The following LMNTD1 variants were observed in gnomAD, a reference collection of about 807,000 sequenced individuals.
The protein encoded by LMNTD1 is lamin tail domain containing 1, also known as lamin tail domain-containing protein 1.
In LMNTD1, 35 loss-of-function variants were observed where a neutral mutation model predicts 50.9. The ratio of observed to expected loss-of-function variants is 0.69; its 90% CI spans 0.53 to 0.91. LMNTD1 has a LOEUF of 0.91. Among genes scored for constraint, LMNTD1 ranks in the 40% least tolerant of loss-of-function variants. The probability of loss-of-function intolerance (pLI) is 0.00; values close to 1 mark genes in which losing one functional copy is unlikely to be tolerated. For missense variants in LMNTD1, 470 were observed against 475.5 expected (o/e 0.99, Z 0.11); for synonymous variants, 153 against 161.9 (o/e 0.94, Z 0.42).
At chr12:25,630,299 G>A (rs772505678) in intron 1 of LMNTD1, among the ~76,000 whole-genome samples, 2 of 152,116 alleles carry the variant, frequency 1.3e-5, no homozygotes, top group Non-Finnish European at 2.9e-5. Flanking sequence ...CATTTTTGAG[G>A]ATCATGGTGG....
chr12:25,539,408 G>A lies in LMNTD1; in HGVS notation c.491+6966C>T, dbSNP rs558269866. On this transcript the variant is annotated intron_variant, in intron 4 of 9. Coordinates refer to ENST00000458174, the MANE Select transcript of LMNTD1 (RefSeq NM_001145728.2). ...CACAGTGCAATCAAACTAGAACTCA[G>A]GATTAAGAATCTCACTCAAAACCGC... Among the ~76,000 whole-genome samples the A allele has an allele frequency of 7.1e-3, 1,079 of 151,866 alleles. 16 individuals carry two copies. Among genetic ancestry groups the A allele is most frequent in the African/African-American group, 0.025 (1,016 of 41,400 alleles).
At chr12:25,537,207 A>T in intron 4 of LMNTD1, among the ~76,000 whole-genome samples, 1 of 152,152 alleles carries the variant, frequency 6.6e-6, no homozygotes. Context: ...TGGAAGCTCG[A>T]ACTGGGTGGA....
At chr12:25,528,500 C>G (rs370086977) in intron 4 of LMNTD1, among the ~76,000 whole-genome samples, 179 of 152,328 alleles carry the variant, frequency 1.2e-3, no homozygotes, top group African/African-American at 4.3e-3. Flanking sequence ...CTCCAACCAC[C>G]TGGGCCCTTG....
chr12:25,547,978 A>G (rs1350740247), intron 3 of LMNTD1, among the ~76,000 whole-genome samples: 1 of 151,804 alleles, frequency 6.6e-6, no homozygotes, highest in Admixed American at 6.6e-5. Context: ...TTTTTGCCCC[A>G]TTACAAGGAG....
chr12:25,519,075 G>A (rs1018215064), intron 7 of LMNTD1, 108 bp from the exon 8 acceptor site: 24 of 1,050,066 alleles, frequency 2.3e-5, no homozygotes, highest in Non-Finnish European at 3.2e-5. Context: ...AAGAGAATAT[G>A]ACTTTTTAAA....
At chr12:25,478,816 C>T (rs1445585042) in intron 9 of LMNTD1, among the ~76,000 whole-genome samples, 2 of 152,016 alleles carry the variant, frequency 1.3e-5, no homozygotes, top group Non-Finnish European at 2.9e-5. Context: ...TTGATGACTA[C>T]CTTCTTCTAC....
In LMNTD1 at chr12:25,630,933, G is replaced by C. The variant is rs766836335; in HGVS notation, c.58+17561C>G. Among the ~76,000 whole-genome samples the C allele has an allele frequency of 2.0e-5, 3 of 152,264 alleles. No individual in the cohort carries two copies. In the South Asian group the frequency reaches 6.2e-4, roughly 32 times the overall value. Reference sequence around the variant, plus strand: ...AGGCGGGTAGCCTGTCTCGCCCACTGGCCAGAAACAGACTCAGGGCTCTTA... The same window carrying C: ...AGGCGGGTAGCCTGTCTCGCCCACTCGCCAGAAACAGACTCAGGGCTCTTA... On this transcript the variant is annotated intron_variant, in intron 1 of 7. Transcript: ENST00000445693.
intron 9 of LMNTD1, among the ~76,000 whole-genome samples, chr12:25,481,954 A>G (rs1938462446): frequency 1.3e-5 from 2 of 151,314 alleles, no homozygotes; most frequent in Non-Finnish European, 2.9e-5. Context: ...GTATTTAAAG[A>G]CCCTCAGTTG....
At chr12:25,569,631 A>C (rs1309873335) in intron 1 of LMNTD1, among the ~76,000 whole-genome samples, 1 of 152,234 alleles carries the variant, frequency 6.6e-6, no homozygotes, top group African/African-American at 2.4e-5. Flanking sequence ...TCACAAAGAC[A>C]GATCACTCAT....
At chr12:25,643,464 A>G (rs1946994131) in intron 1 of LMNTD1, among the ~76,000 whole-genome samples, 1 of 152,240 alleles carries the variant, frequency 6.6e-6, no homozygotes, top group African/African-American at 2.4e-5. Flanking sequence ...TTTATAGACA[A>G]TAGAATATAG....
intron 6 of LMNTD1, among the ~76,000 whole-genome samples, chr12:25,523,115 C>A (rs1378958775): frequency 6.6e-6 from 1 of 152,046 alleles, no homozygotes; most frequent in African/African-American, 2.4e-5. Flanking sequence ...CTCACTGCAA[C>A]CTCCGCCTCC....
chr12:25,478,978 C>A (rs1938358345), intron 9 of LMNTD1, among the ~76,000 whole-genome samples: 1 of 151,942 alleles, frequency 6.6e-6, no homozygotes, highest in South Asian at 2.1e-4. Context: ...TTCCCATTGA[C>A]CTTAATCACA....
chr12:25,515,760 G>A (rs2619481), intron 8 of LMNTD1, among the ~76,000 whole-genome samples: 1 of 151,560 alleles, frequency 6.6e-6, no homozygotes, highest in African/African-American at 2.4e-5. Context: ...TAGTCTCTAG[G>A]CTCCTCTGTA....
chr12:25,574,510 G>A (rs145211260), intron 1 of LMNTD1, among the ~76,000 whole-genome samples: 2 of 151,440 alleles, frequency 1.3e-5, no homozygotes, highest in East Asian at 3.9e-4. Context: ...TAAATAATGT[G>A]AGTAAGGCAC....
At chr12:25,497,071 T>C (rs1479708802) in intron 9 of LMNTD1, among the ~76,000 whole-genome samples, 2 of 152,202 alleles carry the variant, frequency 1.3e-5, no homozygotes, top group African/African-American at 4.8e-5. Context: ...CATTTCATTG[T>C]ATTATACACC....
intron 1 of LMNTD1, among the ~76,000 whole-genome samples, chr12:25,569,825 C>T (rs969235632): frequency 7.9e-5 from 12 of 152,182 alleles, no homozygotes; most frequent in African/African-American, 2.9e-4. Context: ...AGGCCCTCAC[C>T]AGAAGCAGAT....
chr12:25,494,788 G>A (rs1939005850), intron 9 of LMNTD1, among the ~76,000 whole-genome samples: 1 of 152,082 alleles, frequency 6.6e-6, no homozygotes, highest in Admixed American at 6.5e-5. Context: ...ATTATATATT[G>A]TGAAATGATT....
intron 1 of LMNTD1, among the ~76,000 whole-genome samples, chr12:25,619,246 CTCTCTCTATA>C (rs1464248370): frequency 5.4e-4 from 41 of 76,216 alleles, no homozygotes; most frequent in Non-Finnish European, 8.5e-4. Context: ...CTCTCTCTCT[CTCTCTCTATA>C]TATATATATA....
intron 8 of LMNTD1, among the ~76,000 whole-genome samples, chr12:25,517,707 GAATAATAATAATAATAATAATAAT>G (rs71851020): frequency 7.2e-6 from 1 of 139,184 alleles, no homozygotes; most frequent in African/African-American, 2.7e-5. Context: ...TAAAGTGTAA[GAATAATAATAATAATAATAATAAT>G]AATAATAATA....
Sources: gnomAD v4.1 joint callset for allele counts (sites outside exome capture counted in the v4.1 genomes callset) on GRCh38, gnomAD v4.1.1 for gene constraint, MANE v1.5 for transcripts, NCBI Gene and HGNC (gene_info 2026-07-23, HGNC 2026-07-21) for gene names.